DNAH2: variants seen among roughly 807,000 people sequenced by gnomAD.
The protein encoded by DNAH2 is dynein axonemal heavy chain 2.
Under a neutral mutation model 523.5 loss-of-function variants are expected in DNAH2, and 323 were observed. That is an observed-to-expected ratio of 0.62 (90% CI 0.56 to 0.68). DNAH2 has a LOEUF of 0.68. Ranked by LOEUF, DNAH2 falls within the 30% of genes least tolerant of loss-of-function variation. The pLI is 0.00. For synonymous variants in DNAH2, 2,093 were observed against 2,177.4 expected (o/e 0.96, Z 1.08); for missense variants, 4,907 against 5,701.5 (o/e 0.86, Z 4.49).
rs1200314395 is a variant in DNAH2 at position 7,759,007 on chromosome 17, T to G, written c.2331T>G (p.Phe777Leu). 1 of 1,614,068 alleles carries G rather than the reference T, an allele frequency of 6.2e-7. No homozygotes were observed. Among genetic ancestry groups the G allele is most frequent in the African/African-American group, 1.3e-5 (1 of 74,922 alleles). ...AACGGGTATACAGGGACCTGGAATTTGAAGAGGACCAAAGAGAGCATCGGG... is the reference window on the plus strand; with the variant it reads ...AACGGGTATACAGGGACCTGGAATTGGAAGAGGACCAAAGAGAGCATCGGG... ...SGKRVYRDLE[F>L]EEDQREHRAA... The change falls in exon 15 of 86, where the codon TTT becomes TTG. Residue 777 changes from phenylalanine (F) to leucine (L), a missense_variant. Coordinates refer to ENST00000572933, the MANE Select transcript of DNAH2 (RefSeq NM_020877.5).
chr17:7,816,483 A>C, intron 63 of DNAH2, 88 bp from the exon 64 acceptor site: 1 of 1,466,814 alleles, frequency 6.8e-7, no homozygotes, highest in Non-Finnish European at 9.3e-7. Flanking sequence ...ACAAAATGGC[A>C]GCTACAAAAT....
intron 63 of DNAH2, among the ~76,000 whole-genome samples, chr17:7,815,839 A>G (rs956667551): frequency 6.6e-6 from 1 of 152,080 alleles, no homozygotes; most frequent in Admixed American, 6.6e-5. Context: ...ATTCATTCCA[A>G]CCTCCACAGA....
Position 7,804,586 on chromosome 17 carries a change from C to CT in DNAH2, c.9183+121dup, listed in dbSNP as rs1229002107. ...AGTGACTGGGTGCAGTGGCTCACGC[C>CT]TGTAATCCCAGCACTTTGGGAGGCT... On this transcript the variant is annotated intron_variant, in intron 59 of 85. Coordinates refer to ENST00000572933, the MANE Select transcript of DNAH2 (RefSeq NM_020877.5). 3 of 1,175,804 alleles carry CT rather than the reference C, an allele frequency of 2.6e-6. No individual in the cohort carries two copies. In the African/African-American group the frequency reaches 4.6e-5, roughly 18 times the overall value. The allele number at this position is 1,175,804 out of a possible 1,614,324, so 72.8% of individuals were successfully genotyped here.
At chr17:7,824,038 G>T in intron 75 of DNAH2, 56 bp downstream of exon 75, 3 of 1,589,884 alleles carry the variant, frequency 1.9e-6, no homozygotes, top group Non-Finnish European at 2.6e-6. Context: ...TGCCTCCCTC[G>T]CTCTGTTTCA....
intron 7 of DNAH2, among the ~76,000 whole-genome samples, chr17:7,736,096 C>T (rs1485031673): frequency 6.6e-6 from 1 of 152,002 alleles, no homozygotes; most frequent in Non-Finnish European, 1.5e-5. Context: ...ACTATGTTGT[C>T]CAGGCTGGTC....
At chr17:7,746,943 C>T (rs926295481) in intron 12 of DNAH2, among the ~76,000 whole-genome samples, 58 of 150,342 alleles carry the variant, frequency 3.9e-4, no homozygotes, top group Non-Finnish European at 3.7e-4. Flanking sequence ...GCCGAGAATG[C>T]GCCATTGCAC....
rs1366822466 is a variant in DNAH2 at position 7,760,292 on chromosome 17, C to T, written c.2785+354C>T. Among the ~76,000 whole-genome samples the T allele has an allele frequency of 3.3e-5, 5 of 151,522 alleles. No homozygotes were observed. Among genetic ancestry groups the T allele is most frequent in the African/African-American group, 9.7e-5 (4 of 41,188 alleles). ...CTGAGGCAAAGAATCACCCCGGAGG[C>T]GGAGGTTGCAGTGAGCGGAGATCAT... On this transcript the variant is annotated intron_variant, in intron 17 of 85. Transcript: ENST00000572933. The surrounding 1 kb of genome is among the most constrained non-coding windows in gnomAD (Gnocchi z 4.0).
intron 27 of DNAH2, 76 bp downstream of exon 27, chr17:7,771,009 T>C: frequency 6.6e-7 from 1 of 1,522,724 alleles, no homozygotes; most frequent in Non-Finnish European, 8.9e-7. Context: ...GATTTTGCCC[T>C]GTTATCAGCC....
At chr17:7,772,197 G>C (rs945659502) in intron 28 of DNAH2, among the ~76,000 whole-genome samples, 13 of 152,236 alleles carry the variant, frequency 8.5e-5, no homozygotes, top group African/African-American at 2.9e-4. Context: ...TGGGCATCCT[G>C]TGCAGAAGAA....
intron 39 of DNAH2, among the ~76,000 whole-genome samples, chr17:7,781,927 G>A (rs2076613931): frequency 6.6e-6 from 1 of 152,198 alleles, no homozygotes; most frequent in South Asian, 2.1e-4. Context: ...TGGCAGTGTG[G>A]TAGTCTAGAT....
intron 44 of DNAH2, among the ~76,000 whole-genome samples, chr17:7,789,915 T>C (rs2076850266): frequency 6.6e-6 from 1 of 152,152 alleles, no homozygotes; most frequent in African/African-American, 2.4e-5. Context: ...AGATCGGTAT[T>C]CTGGATTGGA....
chr17:7,802,129 C>T, intron 58 of DNAH2, 112 bp downstream of exon 58: 1 of 1,433,238 alleles, frequency 7.0e-7, no homozygotes, highest in Non-Finnish European at 9.4e-7. Flanking sequence ...CACAGTTCTG[C>T]CCAGGAAGTT....
rs187605573 is a variant in DNAH2 at position 7,754,376 on chromosome 17, G to A, written c.1905-2715G>A. On this transcript the variant is annotated intron_variant, in intron 12 of 85. Transcript: ENST00000572933. This position sits in a 1 kb window ranked among gnomAD's most constrained non-coding sequence, Gnocchi z 4.6. ...TCCGGTTCTAGGTGCTTCAGGAGCC[G>A]TGGCTTAAGGTGCAGACATGGCCAA... 4.0e-4 allele frequency: 205 copies of A among 518,960 alleles called. No individual in the cohort carries two copies. The highest frequency in any genetic ancestry group is 7.8e-4 in the Admixed American group (26 of 33,422). The allele number at this position is 518,960 out of a possible 1,614,324, so 32.1% of individuals were successfully genotyped here.
chr17:7,799,624 G>A (rs985084512), intron 56 of DNAH2, among the ~76,000 whole-genome samples: 2 of 152,104 alleles, frequency 1.3e-5, no homozygotes, highest in South Asian at 2.1e-4. Flanking sequence ...AGACCATGCC[G>A]GCTAACATGG....
intron 28 of DNAH2, among the ~76,000 whole-genome samples, chr17:7,773,494 C>T (rs1213576760): frequency 6.6e-6 from 1 of 152,046 alleles, no homozygotes; most frequent in African/African-American, 2.4e-5. Flanking sequence ...GGATATGTTC[C>T]AAGACCCCCC....
chr17:7,765,299 G>C, intron 20 of DNAH2, 92 bp from the exon 21 acceptor site: 1 of 1,035,458 alleles, frequency 9.7e-7, no homozygotes, highest in South Asian at 1.6e-5. Context: ...CTCCACTCAT[G>C]AGAGGGCAGA....
intron 50 of DNAH2, among the ~76,000 whole-genome samples, 178 bp from the exon 51 acceptor site, chr17:7,796,998 A>G (rs2077083640): frequency 6.8e-6 from 1 of 146,638 alleles, no homozygotes; most frequent in Non-Finnish European, 1.5e-5. Context: ...GCTACATGGG[A>G]GGCTGAGGCA....
In DNAH2 at chr17:7,833,695, G is replaced by T. The variant is rs1193085862; in HGVS notation, c.*162G>T. ...ACCTAGTTGTGTTAGCCATAAAAGTGAAAGAGTTGTATTGGAGCTCAGTGC... is the reference window on the plus strand; with the variant it reads ...ACCTAGTTGTGTTAGCCATAAAAGTTAAAGAGTTGTATTGGAGCTCAGTGC... On this transcript the variant is annotated 3_prime_UTR_variant, in exon 86 of 86. Coordinates refer to ENST00000572933, the MANE Select transcript of DNAH2 (RefSeq NM_020877.5). 1.7e-5 allele frequency: 17 copies of T among 992,338 alleles called. No individual in the cohort carries two copies. Among genetic ancestry groups the T allele is most frequent in the Non-Finnish European group, 2.6e-5 (17 of 651,308 alleles). 61.5% of individuals were successfully genotyped at this position (992,338 alleles called of 1,614,324 possible). A position where few individuals can be genotyped will look rare whatever the true frequency, so the allele number is the denominator to read the frequency against.
intron 61 of DNAH2, among the ~76,000 whole-genome samples, chr17:7,805,844 A>G (rs142001659): frequency 8.0e-5 from 12 of 149,280 alleles, no homozygotes; most frequent in African/African-American, 2.9e-4. Flanking sequence ...ACAGAGCCAG[A>G]CCCTGTCTCC....
Sources: allele counts gnomAD v4.1 joint callset (sites outside exome capture counted in the v4.1 genomes callset), GRCh38; gene constraint gnomAD v4.1.1; non-coding constraint Gnocchi (gnomAD v3.1); transcripts MANE v1.5; gene names NCBI Gene and HGNC (gene_info 2026-07-23, HGNC 2026-07-21).